ZNF23: variants seen among roughly 807,000 people sequenced by gnomAD.
ZNF23 encodes kruppel-like zinc finger factor X31.
Under a neutral mutation model 56.2 loss-of-function variants are expected in ZNF23, and 48 were observed. The observed-to-expected ratio is 0.85, with a 90% CI of 0.68 to 1.09. ZNF23 has a LOEUF of 1.09. ZNF23 is among the 50% of genes least tolerant of loss of function. The pLI is 0.00. For synonymous variants in ZNF23, 266 were observed against 283.3 expected (o/e 0.94, Z 0.61); for missense variants, 805 against 811.4 (o/e 0.99, Z 0.10).
intron 1 of ZNF23, 44 bp downstream of exon 1, chr16:71,462,166 G>C (rs1316061086): frequency 6.6e-6 from 1 of 152,374 alleles, no homozygotes; most frequent in African/African-American, 2.4e-5. Context: ...CCCAGAGCCT[G>C]GGGGACAGGG....
At chr16:71,451,816 A>C (rs1317788477) in intron 4 of ZNF23, 4 of 152,222 alleles carry the variant, frequency 2.6e-5, no homozygotes, top group Non-Finnish European at 5.9e-5. Context: ...TCTCACCAAC[A>C]TTGAATATAA....
At position 71,449,657 on chromosome 16, in the gene ZNF23, C is replaced by G. The variant is rs987348331; in HGVS notation, c.497G>C (p.Ser166Thr). 15 of 1,613,750 alleles carry G rather than the reference C, an allele frequency of 9.3e-6. No homozygotes were observed. The highest frequency in any genetic ancestry group is 1.2e-5 in the Non-Finnish European group (14 of 1,179,980). Residue 166 changes from serine (S) to threonine (T), a missense_variant, in exon 5 of 5, where the codon AGT becomes ACT. Coordinates refer to ENST00000647773, the MANE Select transcript of ZNF23 (RefSeq NM_001381984.1). ...ACACTGATATGAGTTTGAACTTTGA[C>G]TAAAAAAACACTCCTCCACGGGGCT... ...ETSPVEECFF[S>T]QSSNSYQCHT... is the part of the protein sequence containing the mutation.
At position 71,448,150 on chromosome 16, in the gene ZNF23, G is replaced by A. The variant is rs368733338; in HGVS notation, c.2004C>T (p.Phe668=). The A allele has an allele frequency of 7.4e-6, 12 of 1,613,640 alleles. No homozygotes were observed. The highest frequency in any genetic ancestry group is 1.0e-5 in the Non-Finnish European group (12 of 1,179,888). ...PYMCSVCGKA[F]RFSFQLSQHQ... Reference sequence around the variant, plus strand: ...GCTGACTGAGCTGGAAGCTAAACCTGAATGCTTTCCCACACACACTACACA... The same window carrying A: ...GCTGACTGAGCTGGAAGCTAAACCTAAATGCTTTCCCACACACACTACACA... Residue 668 remains phenylalanine, a synonymous_variant, in exon 5 of 5, where the codon TTC becomes TTT. Transcript: ENST00000647773.
chr16:71,450,425 G>T, intron 4 of ZNF23: 1 of 217,720 alleles, frequency 4.6e-6, no homozygotes, highest in Non-Finnish European at 9.4e-6. Context: ...TCACATGAAG[G>T]TTAAAAGTGA....
chr16:71,453,749 G>A, intron 3 of ZNF23: 1 of 546,410 alleles, frequency 1.8e-6, no homozygotes, highest in Non-Finnish European at 3.3e-6. Flanking sequence ...AGATGAGGGG[G>A]CAACTGAAGA....
Position 71,448,870 on chromosome 16 carries a change from G to T in ZNF23, c.1284C>A (p.Ile428=), listed in dbSNP as rs561968566. The T allele has an allele frequency of 1.2e-6, 2 of 1,614,158 alleles. No individual in the cohort carries two copies. Among genetic ancestry groups the T allele is most frequent in the South Asian group, 2.2e-5 (2 of 91,078 alleles). ...NNTKLIQHQR[I]HTGEKPYECT... is the part of the protein sequence containing the mutation. ...ATTCATAGGGTTTCTCACCTGTGTG[G>T]ATTCTCTGATGCTGAATGAGTTTTG... The change falls in exon 5 of 5, where the codon ATC becomes ATA. Residue 428 remains isoleucine, a synonymous_variant. Transcript: ENST00000647773.
intron 2 of ZNF23, chr16:71,456,238 C>T (rs2043228036): frequency 8.5e-6 from 3 of 354,350 alleles, no homozygotes; most frequent in East Asian, 8.0e-5. Context: ...AGTCTGCATC[C>T]TAAACTTTGA....
At chr16:71,456,966 TG>T (rs2043255871) in intron 1 of ZNF23, 138 bp from the exon 2 acceptor site, 1 of 168,656 alleles carries the variant, frequency 5.9e-6, no homozygotes, top group Admixed American at 6.5e-5. Flanking sequence ...AAGAAGGGAA[TG>T]ATCTGTTCAC....
At chr16:71,454,255 G>C (rs2043149365) in intron 2 of ZNF23, 87 bp from the exon 3 acceptor site, 1 of 1,496,994 alleles carries the variant, frequency 6.7e-7, no homozygotes, top group African/African-American at 1.4e-5. Context: ...AGGGCTTGGG[G>C]AGGGTGCTTG....
chr16:71,459,714 C>G (rs60009511), intron 1 of ZNF23, among the ~76,000 whole-genome samples: 6,052 of 152,204 alleles, frequency 0.04, 407 homozygotes, highest in African/African-American at 0.14. Context: ...TGTCTCTGAC[C>G]TAGTAATTGC....
chr16:71,450,718 CAAA>C (rs66920642), intron 4 of ZNF23: 397 of 351,314 alleles, frequency 1.1e-3, no homozygotes, highest in East Asian at 2.0e-3. Flanking sequence ...GACTCCATCT[CAAA>C]AAAAAAAAAA....
intron 1 of ZNF23, among the ~76,000 whole-genome samples, chr16:71,458,513 CAT>C (rs1447359358): frequency 6.6e-6 from 1 of 152,156 alleles, no homozygotes; most frequent in African/African-American, 2.4e-5. Context: ...CTGCCAAATT[CAT>C]ATGTTGAAGC....
Position 71,448,291 on chromosome 16 carries a change from A to T in ZNF23, c.1863T>A (p.His621Gln). 1 of 1,614,194 alleles carries T rather than the reference A, an allele frequency of 6.2e-7. No homozygotes were observed. The highest frequency in any genetic ancestry group is 8.5e-7 in the Non-Finnish European group (1 of 1,180,028). Reference sequence around the variant, plus strand: ...GTTTCTCCCCAGTGTGGCTTCTCTGATGCCGAATTAAATGGGCATTAACAT... The same window carrying T: ...GTTTCTCCCCAGTGTGGCTTCTCTGTTGCCGAATTAAATGGGCATTAACAT... Reference protein sequence around the residue: ...AFHVNAHLIRHQRSHTGEKPF... With the variant: ...AFHVNAHLIRQQRSHTGEKPF... Residue 621 changes from histidine to glutamine, a missense_variant, in exon 5 of 5, where the codon CAT (histidine) becomes CAA (glutamine). By Grantham distance (24) the His-to-Gln change is conservative (BLOSUM62 0). Transcript: ENST00000647773.
intron 1 of ZNF23, among the ~76,000 whole-genome samples, chr16:71,458,620 T>G (rs1179781775): frequency 6.6e-6 from 1 of 151,964 alleles, no homozygotes; most frequent in Non-Finnish European, 1.5e-5. Flanking sequence ...GGTCCTAAGG[T>G]TAAATGAGGT....
intron 2 of ZNF23, chr16:71,456,251 G>A (rs1419661807): frequency 2.8e-6 from 1 of 351,700 alleles, no homozygotes; most frequent in Non-Finnish European, 5.6e-6. Context: ...AACTTTGAAA[G>A]CTTCACAAGC....
At position 71,449,076 on chromosome 16, in the gene ZNF23, A is replaced by G; in HGVS notation, c.1078T>C (p.Phe360Leu). The G allele has an allele frequency of 1.2e-6, 2 of 1,614,160 alleles. No individual in the cohort carries two copies. Among genetic ancestry groups the G allele is most frequent in the East Asian group, 2.2e-5 (1 of 44,880 alleles). The change falls in exon 5 of 5, where the codon TTC becomes CTC. Residue 360 changes from phenylalanine (F) to leucine (L), a missense_variant. Coordinates refer to ENST00000647773, the MANE Select transcript of ZNF23 (RefSeq NM_001381984.1). The part of the protein sequence containing the change: ...PYECNDCGKA[F>L]NVNAKLIQHQ... ...TGAATTAATTTTGCATTAACATTGA[A>G]CGCTTTCCCACAGTCATTACACTCG...
At chr16:71,460,283 A>T (rs2043394336) in intron 1 of ZNF23, among the ~76,000 whole-genome samples, 1 of 151,952 alleles carries the variant, frequency 6.6e-6, no homozygotes, top group Admixed American at 6.6e-5. Context: ...CGTCCAAGGC[A>T]TTCTTTGGTC....
In ZNF23 at chr16:71,448,055, G is replaced by A; in HGVS notation, c.*38C>T. Reference sequence around the variant, plus strand: ...AATCTGATGATACTTGATCCATTTTGGCATTAACCTTAAGAGTTTTCTATA... The same window carrying A: ...AATCTGATGATACTTGATCCATTTTAGCATTAACCTTAAGAGTTTTCTATA... On this transcript the variant is annotated 3_prime_UTR_variant, in exon 5 of 5. Coordinates refer to ENST00000647773, the MANE Select transcript of ZNF23 (RefSeq NM_001381984.1). 6.7e-7 allele frequency: 1 copy of A among 1,489,724 alleles called. No individual in the cohort carries two copies. The highest frequency in any genetic ancestry group is 9.1e-7 in the Non-Finnish European group (1 of 1,104,318). The allele number at this position is 1,489,724 out of a possible 1,614,324, so 92.3% of individuals were successfully genotyped here.
At chr16:71,459,484 T>C (rs2043362677) in intron 1 of ZNF23, among the ~76,000 whole-genome samples, 1 of 152,238 alleles carries the variant, frequency 6.6e-6, no homozygotes, top group South Asian at 2.1e-4. Flanking sequence ...TACAAATCTT[T>C]GTTCCACGTT....
Sources: allele counts gnomAD v4.1 joint callset (sites outside exome capture counted in the v4.1 genomes callset), GRCh38; gene constraint gnomAD v4.1.1; transcripts MANE v1.5; gene names NCBI Gene and HGNC (gene_info 2026-07-23, HGNC 2026-07-21).